The following PLPPR1 variants were observed in gnomAD, a reference collection of about 807,000 sequenced individuals.
PLPPR1 encodes phospholipid phosphatase related 1.
PLPPR1 carries 10 observed loss-of-function variants against 33.1 expected under a neutral mutation model. The ratio of observed to expected loss-of-function variants is 0.30; its 90% confidence interval spans 0.19 to 0.51. PLPPR1 has a LOEUF of 0.51. Ranked by LOEUF, PLPPR1 falls within the 20% of genes least tolerant of loss-of-function variation. The pLI is 0.97. For synonymous variants in PLPPR1, 151 were observed against 151.0 expected (o/e 1.00, Z 0.00); for missense variants, 304 against 408.1 (o/e 0.74, Z 2.20).
chr9:101,145,276 C>T (rs1831505735), intron 1 of PLPPR1, among the ~76,000 whole-genome samples: 1 of 152,082 alleles, frequency 6.6e-6, no homozygotes, highest in African/African-American at 2.4e-5. Context: ...AGTGTTCTCA[C>T]CACAAACAAA....
At chr9:101,051,727 C>G (rs889274421) in intron 1 of PLPPR1, among the ~76,000 whole-genome samples, 4 of 152,206 alleles carry the variant, frequency 2.6e-5, no homozygotes, top group African/African-American at 9.6e-5. Flanking sequence ...TTACTCTCTT[C>G]CATTTACTCT....
In PLPPR1 at chr9:101,238,039, G is replaced by A. The variant is rs374644116; in HGVS notation, c.64-31841G>A. Among the ~76,000 whole-genome samples, 35 of 128,044 alleles carry A rather than the reference G, an allele frequency of 2.7e-4. 1 individual carries two copies. In the East Asian group the frequency reaches 7.8e-3, roughly 29 times the overall value. 84.0% of individuals were successfully genotyped at this position (128,044 alleles called of 152,430 possible). On this transcript the variant is annotated intron_variant, in intron 2 of 7. Transcript: ENST00000374874. ...CCAAATAGACTTAAATCAGAGAAATGTGTATATATATATAGCCTATATATA... is the reference window on the plus strand; with the variant it reads ...CCAAATAGACTTAAATCAGAGAAATATGTATATATATATAGCCTATATATA...
At chr9:101,257,499 A>G (rs1394797375) in intron 2 of PLPPR1, among the ~76,000 whole-genome samples, 2 of 152,160 alleles carry the variant, frequency 1.3e-5, no homozygotes, top group African/African-American at 4.8e-5. Flanking sequence ...GGATTGGGAT[A>G]GTCACACCTC....
At chr9:101,120,254 TG>T (rs1324940037) in intron 1 of PLPPR1, among the ~76,000 whole-genome samples, 1 of 152,256 alleles carries the variant, frequency 6.6e-6, no homozygotes, top group African/African-American at 2.4e-5. Flanking sequence ...CTCTAGCCAA[TG>T]GAATCCGTTG....
intron 1 of PLPPR1, among the ~76,000 whole-genome samples, chr9:101,039,156 A>T (rs564079702): frequency 6.6e-6 from 1 of 152,294 alleles, no homozygotes; most frequent in South Asian, 2.1e-4. Context: ...TACTCTAATT[A>T]TCCTTCCCTG....
In PLPPR1 at chr9:101,316,523, G is replaced by A. The variant is rs1193031415; in HGVS notation, c.814-842G>A. On this transcript the variant is annotated intron_variant, in intron 6 of 7. Coordinates refer to ENST00000374874, the MANE Select transcript of PLPPR1 (RefSeq NM_207299.2). ...GAGGATGCATGCCAATGTGCTACAG[G>A]GTTTGAAGAGTAGCAGGAAAGATTC... Among the ~76,000 whole-genome samples the A allele has an allele frequency of 2.0e-5, 3 of 151,328 alleles. No homozygotes were observed. The East Asian group carries it at 5.8e-4, about 29-fold the overall frequency.
intron 1 of PLPPR1, among the ~76,000 whole-genome samples, chr9:101,044,030 A>G (rs926977615): frequency 4.5e-4 from 68 of 152,368 alleles, no homozygotes; most frequent in African/African-American, 1.6e-3. Flanking sequence ...AATTAAACTA[A>G]AGAGCTTTTG....
At chr9:101,254,004 C>G (rs1297001461) in intron 2 of PLPPR1, among the ~76,000 whole-genome samples, 1 of 151,960 alleles carries the variant, frequency 6.6e-6, no homozygotes, top group African/African-American at 2.4e-5. Flanking sequence ...GCTTTTTAGT[C>G]AGTAGAACAT....
At chr9:101,055,458 A>T (rs1830268790) in intron 1 of PLPPR1, among the ~76,000 whole-genome samples, 1 of 152,230 alleles carries the variant, frequency 6.6e-6, no homozygotes, top group African/African-American at 2.4e-5. Context: ...GTTTCAAGTA[A>T]ATCAAAAGAT....
At chr9:101,229,075 A>C (rs1827130897) in intron 2 of PLPPR1, among the ~76,000 whole-genome samples, 1 of 152,130 alleles carries the variant, frequency 6.6e-6, no homozygotes, top group Admixed American at 6.6e-5. Flanking sequence ...TCAGAATAAA[A>C]AAGTTGTTAG....
intron 1 of PLPPR1, among the ~76,000 whole-genome samples, chr9:101,043,380 CGT>C (rs1160393423): frequency 6.7e-6 from 1 of 149,034 alleles, no homozygotes; most frequent in African/African-American, 2.5e-5. Context: ...TATGTATATA[CGT>C]ATATACATAC....
chr9:101,154,223 A>T (rs556401843), intron 1 of PLPPR1, among the ~76,000 whole-genome samples: 2 of 152,306 alleles, frequency 1.3e-5, no homozygotes, highest in Non-Finnish European at 2.9e-5. Context: ...TCCTGGCCTC[A>T]TAAAATGAGT....
chr9:101,322,297 C>T (rs1829169522), intron 7 of PLPPR1, among the ~76,000 whole-genome samples: 1 of 144,062 alleles, frequency 6.9e-6, no homozygotes, highest in Non-Finnish European at 1.5e-5. Context: ...TTAATAATTT[C>T]ATAGACCCAA....
chr9:101,097,591 G>A (rs1830836018), intron 1 of PLPPR1, among the ~76,000 whole-genome samples: 1 of 152,182 alleles, frequency 6.6e-6, no homozygotes, highest in Admixed American at 6.5e-5. Flanking sequence ...AGGTATGTAT[G>A]TGTTTTACAC....
At chr9:101,216,287 C>G (rs1304564658) in intron 2 of PLPPR1, among the ~76,000 whole-genome samples, 3 of 152,092 alleles carry the variant, frequency 2.0e-5, no homozygotes, top group Non-Finnish European at 4.4e-5. Flanking sequence ...TGATGCTGAA[C>G]ACTTTTAAAA....
chr9:101,194,501 G>A (rs969572924), intron 2 of PLPPR1, among the ~76,000 whole-genome samples: 6 of 152,166 alleles, frequency 3.9e-5, no homozygotes, highest in Middle Eastern at 3.4e-3. Flanking sequence ...TGTAATCCTC[G>A]CACTTTGGGA....
intron 1 of PLPPR1, among the ~76,000 whole-genome samples, chr9:101,159,368 A>G (rs1242994021): frequency 6.6e-6 from 1 of 152,120 alleles, no homozygotes; most frequent in African/African-American, 2.4e-5. Flanking sequence ...TTCCCTTCTG[A>G]ATTTTTTTCT....
chr9:101,115,336 G>A (rs1831105452), intron 1 of PLPPR1, among the ~76,000 whole-genome samples: 1 of 152,326 alleles, frequency 6.6e-6, no homozygotes, highest in South Asian at 2.1e-4. Context: ...TTTAGCCTGT[G>A]AGGGCGATTG....
In PLPPR1 at chr9:101,257,525, A is replaced by G. The variant is rs185539529; in HGVS notation, c.64-12355A>G. Among the ~76,000 whole-genome samples the G allele has an allele frequency of 1.9e-3, 293 of 152,290 alleles. 1 individual carries two copies. Among genetic ancestry groups the G allele is most frequent in the Middle Eastern group, 3.4e-3 (1 of 294 alleles). ...GTCACACCTCATGCCAGAAGGGCAC[A>G]GTTCCTGGCAGGTGAGCACAGGAGG... On this transcript the variant is annotated intron_variant, in intron 2 of 7. Transcript: ENST00000374874.
Sources: gnomAD v4.1 joint callset for allele counts (sites outside exome capture counted in the v4.1 genomes callset) on GRCh38, gnomAD v4.1.1 for gene constraint, MANE v1.5 for transcripts, NCBI Gene and HGNC (gene_info 2026-07-23, HGNC 2026-07-21) for gene names.